The following SORCS2 variants were observed in gnomAD, a reference collection of about 807,000 sequenced individuals.
SORCS2 encodes sortilin related VPS10 domain containing receptor 2, also known as VPS10 domain-containing receptor SorCS2.
Under a neutral mutation model 141.6 loss-of-function variants are expected in SORCS2, and 100 were observed. That is an observed-to-expected ratio of 0.71 (90% CI 0.60 to 0.83). The LOEUF is 0.83. Among genes scored for constraint, SORCS2 ranks in the 40% least tolerant of loss-of-function variants. SORCS2 has a pLI of 0.00. For missense variants in SORCS2, 1,646 were observed against 1,560.2 expected, an observed-to-expected ratio of 1.05 and a Z score of -0.93; for synonymous variants, 789 against 676.9, an observed-to-expected ratio of 1.17 and a Z score of -2.57.
intron 4 of SORCS2, among the ~76,000 whole-genome samples, chr4:7,640,645 C>T (rs1720674019): frequency 6.6e-6 from 1 of 151,676 alleles, no homozygotes; most frequent in South Asian, 2.1e-4. Flanking sequence ...CTCAGCAATC[C>T]CAACTGCAGG....
chr4:7,496,709 C>T (rs911689839), intron 2 of SORCS2, among the ~76,000 whole-genome samples: 5 of 151,960 alleles, frequency 3.3e-5, no homozygotes, highest in Non-Finnish European at 7.4e-5. Flanking sequence ...TCTGAAAAGG[C>T]CAAAGCTACA....
At chr4:7,717,367 A>AGGAC (rs1726261683) in intron 17 of SORCS2, among the ~76,000 whole-genome samples, 1 of 152,214 alleles carries the variant, frequency 6.6e-6, no homozygotes, top group Non-Finnish European at 1.5e-5. Context: ...TGATCTGCTC[A>AGGAC]GGTCCGCCTC....
chr4:7,501,760 C>T (rs984405935), intron 2 of SORCS2, among the ~76,000 whole-genome samples: 7 of 152,152 alleles, frequency 4.6e-5, no homozygotes, highest in African/African-American at 7.2e-5. Flanking sequence ...AAATGTGTCT[C>T]GACCAGGGAA....
chr4:7,543,487 T>TCATCCATCCATCCATCCATC (rs144933241), intron 3 of SORCS2, among the ~76,000 whole-genome samples: 5 of 114,030 alleles, frequency 4.4e-5, no homozygotes, highest in African/African-American at 1.1e-4. Flanking sequence ...ATTCACCCAC[T>TCATCCATCCATCCATCCATC]CATCCATCCA....
At chr4:7,698,316 CT>C (rs759133714) in intron 12 of SORCS2, among the ~76,000 whole-genome samples, 1 of 152,248 alleles carries the variant, frequency 6.6e-6, no homozygotes, top group Non-Finnish European at 1.5e-5. Flanking sequence ...CACGGCCCCC[CT>C]CCCACACAGC....
At chr4:7,272,798 T>C (rs55977952) in intron 1 of SORCS2, among the ~76,000 whole-genome samples, 14,632 of 152,308 alleles carry the variant, frequency 0.096, 882 homozygotes, top group East Asian at 0.2. Flanking sequence ...TGAACTCTGG[T>C]GGAGGTGGAA....
intron 18 of SORCS2, among the ~76,000 whole-genome samples, chr4:7,721,661 AGTTGGG>A (rs1476158472): frequency 6.6e-6 from 1 of 152,186 alleles, no homozygotes; most frequent in African/African-American, 2.4e-5. Context: ...GTTACCATGG[AGTTGGG>A]CTAATGTGCG....
intron 2 of SORCS2, among the ~76,000 whole-genome samples, chr4:7,413,351 A>G (rs959500333): frequency 7.0e-6 from 1 of 142,286 alleles, no homozygotes; most frequent in Admixed American, 7.0e-5. Flanking sequence ...TGAATTATGT[A>G]TTAAACATGT....
At position 7,286,436 on chromosome 4, in the gene SORCS2, A is replaced by G. The variant is rs1716228559; in HGVS notation, c.480+93310A>G. Among the ~76,000 whole-genome samples, 1 of 152,196 alleles carries G rather than the reference A, an allele frequency of 6.6e-6. No homozygotes were observed. Among genetic ancestry groups the G allele is most frequent in the African/African-American group, 2.4e-5 (1 of 41,450 alleles). ...AAGGGAGACGTCCTGGAAGGCAGCCACGAGGCCTGACGTTGGAGATGCACC... is the reference window on the plus strand; with the variant it reads ...AAGGGAGACGTCCTGGAAGGCAGCCGCGAGGCCTGACGTTGGAGATGCACC... On this transcript the variant is annotated intron_variant, in intron 1 of 26. Transcript: ENST00000507866. This position sits in a 1 kb window ranked among gnomAD's most constrained non-coding sequence, Gnocchi z 4.1.
intron 1 of SORCS2, among the ~76,000 whole-genome samples, chr4:7,374,866 T>G (rs1357970276): frequency 6.6e-6 from 1 of 152,128 alleles, no homozygotes; most frequent in Non-Finnish European, 1.5e-5. Context: ...GGTGACCCTG[T>G]GCTGGGTGTG....
At chr4:7,650,890 T>A (rs1296055363) in intron 4 of SORCS2, among the ~76,000 whole-genome samples, 1 of 152,062 alleles carries the variant, frequency 6.6e-6, no homozygotes, top group East Asian at 1.9e-4. Context: ...TAACAAGGAC[T>A]TCAGCATATG....
chr4:7,198,398 C>T (rs547170496), intron 1 of SORCS2, among the ~76,000 whole-genome samples: 1 of 152,306 alleles, frequency 6.6e-6, no homozygotes, highest in East Asian at 1.9e-4. Flanking sequence ...TAGAGGACAG[C>T]TTGGTGGCTC....
intron 1 of SORCS2, among the ~76,000 whole-genome samples, chr4:7,222,829 A>T (rs1050788935): frequency 1.3e-5 from 2 of 152,062 alleles, no homozygotes; most frequent in Non-Finnish European, 2.9e-5. Flanking sequence ...TGGGGTGGTC[A>T]TGGGGCTGGC....
rs142741485 is a variant in SORCS2, at chr4:7,634,313, C to T, written c.649-4015C>T. ...ACTTGAACTTGGGAGGCAGAGTTTG[C>T]GGTAAGACGAGATCGTGCCGCTGCA... On this transcript the variant is annotated intron_variant, in intron 3 of 26. Transcript: ENST00000507866. Among the ~76,000 whole-genome samples, 85 of 150,996 alleles carry T rather than the reference C, an allele frequency of 5.6e-4. No individual in the cohort carries two copies. In the East Asian group the frequency reaches 0.015, roughly 26 times the overall value.
intron 3 of SORCS2, among the ~76,000 whole-genome samples, chr4:7,543,581 ATCCATCCATCCAT>A (rs1170173746): frequency 2.6e-5 from 3 of 115,558 alleles, no homozygotes; most frequent in African/African-American, 6.8e-5. Flanking sequence ...TCACCCACTC[ATCCATCCATCCAT>A]TCCATCCATC....
intron 9 of SORCS2, 63 bp downstream of exon 9, chr4:7,676,292 C>T: frequency 6.7e-7 from 1 of 1,493,120 alleles, no homozygotes; most frequent in Non-Finnish European, 9.0e-7. Context: ...CCCTCTCACC[C>T]CACCTCTTCC....
intron 11 of SORCS2, among the ~76,000 whole-genome samples, chr4:7,695,746 GGA>G (rs1560490609): frequency 0.015 from 362 of 24,906 alleles, 112 homozygotes; most frequent in Non-Finnish European, 0.022. Context: ...GTGGGTGGAT[GGA>G]TGGATGGATG....
chr4:7,542,102 T>C (rs946050909), intron 3 of SORCS2, among the ~76,000 whole-genome samples: 12 of 152,312 alleles, frequency 7.9e-5, no homozygotes, highest in African/African-American at 2.4e-4. Context: ...CTTTGCCTGC[T>C]TCAGCCAAAC....
intron 2 of SORCS2, among the ~76,000 whole-genome samples, chr4:7,513,146 G>A (rs1055504051): frequency 3.0e-4 from 45 of 152,148 alleles, no homozygotes; most frequent in African/African-American, 9.4e-4. Context: ...AAGTCCTTTC[G>A]CCTCTCTGAG....
Sources: gnomAD v4.1 joint callset for allele counts (sites outside exome capture counted in the v4.1 genomes callset) on GRCh38, gnomAD v4.1.1 for gene constraint, Gnocchi (gnomAD v3.1) non-coding constraint, MANE v1.5 for transcripts, NCBI Gene and HGNC (gene_info 2026-07-23, HGNC 2026-07-21) for gene names.